TRIQK: variants seen among roughly 807,000 people sequenced by gnomAD.
The protein encoded by TRIQK is triple QxxK/R motif containing.
A neutral mutation model predicts 10.8 loss-of-function variants in TRIQK; 10 were observed. The observed-to-expected ratio is 0.92, with a 90% CI of 0.57 to 1.57. The LOEUF (loss-of-function observed/expected upper bound fraction) is 1.57, where lower values mean the gene tolerates loss of function less well. Ranked by LOEUF, TRIQK falls within the 40% of genes most tolerant of loss-of-function variation. The pLI is 0.00. For missense variants in TRIQK, 107 were observed against 97.7 expected (o/e 1.09, Z -0.40); for synonymous variants, 33 against 33.7 (o/e 0.98, Z 0.07).
chr8:92,987,926 G>C (rs1283888128), intron 1 of TRIQK, among the ~76,000 whole-genome samples: 1 of 150,728 alleles, frequency 6.6e-6, no homozygotes, highest in Non-Finnish European at 1.5e-5. Context: ...TACAGATGCA[G>C]ATAGGGTACA....
chr8:92,974,486 T>C (rs1312100763), intron 1 of TRIQK: 2 of 152,244 alleles, frequency 1.3e-5, no homozygotes, highest in East Asian at 3.9e-4. Context: ...ATCTTGACTA[T>C]AAGTCCTGAA....
chr8:92,909,676 C>A (rs967554783), intron 3 of TRIQK, among the ~76,000 whole-genome samples: 19 of 151,644 alleles, frequency 1.3e-4, no homozygotes, highest in Non-Finnish European at 2.4e-4. Flanking sequence ...CCAAGTTGCT[C>A]ATAAAATACA....
At chr8:92,899,604 C>A (rs908414217) in intron 3 of TRIQK, among the ~76,000 whole-genome samples, 5 of 152,118 alleles carry the variant, frequency 3.3e-5, no homozygotes, top group African/African-American at 1.2e-4. Context: ...CATGGATGAA[C>A]AGTACTTCAT....
At chr8:92,979,983 A>G (rs1812970292) in intron 1 of TRIQK, among the ~76,000 whole-genome samples, 2 of 152,082 alleles carry the variant, frequency 1.3e-5, no homozygotes, top group African/African-American at 2.4e-5. Context: ...GACTTCTAGC[A>G]TAATGTTGAA....
At chr8:92,929,529 C>G (rs1314856915) in intron 2 of TRIQK, 1 of 152,066 alleles carries the variant, frequency 6.6e-6, no homozygotes, top group African/African-American at 2.4e-5. Flanking sequence ...GTTGTGGCAT[C>G]TGGACACATG....
At chr8:92,888,891 T>C (rs1816618399) in intron 4 of TRIQK, among the ~76,000 whole-genome samples, 1 of 151,608 alleles carries the variant, frequency 6.6e-6, no homozygotes, top group Non-Finnish European at 1.5e-5. Flanking sequence ...ATCTTTTCCT[T>C]CTAAATGCTA....
intron 1 of TRIQK, among the ~76,000 whole-genome samples, chr8:92,996,823 A>T (rs1023751073): frequency 6.6e-6 from 1 of 151,952 alleles, no homozygotes; most frequent in Non-Finnish European, 1.5e-5. Flanking sequence ...ACCATGGTTA[A>T]GACTATCGCA....
chr8:93,015,772 A>G (rs1219827412), intron 1 of TRIQK, among the ~76,000 whole-genome samples: 2 of 151,894 alleles, frequency 1.3e-5, no homozygotes, highest in Non-Finnish European at 2.9e-5. Context: ...TTTTTTTTCT[A>G]TTCAACTGAT....
chr8:92,949,941 T>C (rs940334873), intron 2 of TRIQK, among the ~76,000 whole-genome samples: 1 of 152,102 alleles, frequency 6.6e-6, no homozygotes, highest in South Asian at 2.1e-4. Flanking sequence ...ACATTCGTTT[T>C]TGAGCTCCAT....
At chr8:92,896,883 C>A (rs1191930647) in intron 3 of TRIQK, among the ~76,000 whole-genome samples, 1 of 151,406 alleles carries the variant, frequency 6.6e-6, no homozygotes, top group Non-Finnish European at 1.5e-5. Context: ...ATGGCATGAT[C>A]CTGGCTCACT....
intron 2 of TRIQK, among the ~76,000 whole-genome samples, chr8:92,947,507 G>A (rs970599124): frequency 1.4e-5 from 2 of 147,406 alleles, no homozygotes; most frequent in Non-Finnish European, 3.0e-5. Flanking sequence ...TCACTTGAAC[G>A]CAGGAGGCGG....
intron 1 of TRIQK, among the ~76,000 whole-genome samples, chr8:93,007,541 C>G (rs950519120): frequency 6.6e-6 from 1 of 152,122 alleles, no homozygotes; most frequent in Non-Finnish European, 1.5e-5. Flanking sequence ...GGATGAAATG[C>G]AGAAGTAGGC....
intron 1 of TRIQK, among the ~76,000 whole-genome samples, chr8:92,994,119 A>G (rs561166310): frequency 2.2e-4 from 33 of 152,336 alleles, no homozygotes; most frequent in African/African-American, 7.0e-4. Context: ...TGAAAGAGGT[A>G]TATTAAAATC....
At chr8:92,943,089 T>C (rs967633340) in intron 2 of TRIQK, among the ~76,000 whole-genome samples, 2 of 146,044 alleles carry the variant, frequency 1.4e-5, no homozygotes, top group Admixed American at 1.4e-4. Context: ...AAAAAAAAAA[T>C]GGGACACTTA....
Position 92,886,365 on chromosome 8 carries a change from T to G in TRIQK, c.*257A>C, listed in dbSNP as rs548897056. ...AAAAATTTAGGATCTGGTTCCCATT[T>G]CATCTAAATGTACCATGTATAGGGT... On this transcript the variant is annotated 3_prime_UTR_variant, in exon 5 of 5. Coordinates refer to ENST00000521988, the MANE Select transcript of TRIQK (RefSeq NM_001171797.2). 5.4e-4 allele frequency: 122 copies of G among 226,156 alleles called. 3 individuals are homozygous for G. The South Asian group carries it at 0.017, about 31-fold the overall frequency. The allele number at this position is 226,156 out of a possible 1,614,324, so 14.0% of individuals were successfully genotyped here.
intron 3 of TRIQK, 51 bp downstream of exon 3, chr8:92,916,878 G>T: frequency 8.0e-7 from 1 of 1,250,974 alleles, no homozygotes; most frequent in Non-Finnish European, 1.1e-6. Flanking sequence ...ATGCATAATT[G>T]TGTTTTTATC....
At chr8:92,943,163 A>T (rs1811356040) in intron 2 of TRIQK, among the ~76,000 whole-genome samples, 1 of 152,198 alleles carries the variant, frequency 6.6e-6, no homozygotes, top group Non-Finnish European at 1.5e-5. Context: ...AAAACTGATT[A>T]AAAAATTGAA....
chr8:92,991,271 A>G (rs1191387352), intron 1 of TRIQK, among the ~76,000 whole-genome samples: 2 of 152,146 alleles, frequency 1.3e-5, no homozygotes, highest in East Asian at 3.9e-4. Flanking sequence ...TTTTAGATAT[A>G]ACTCCCATCT....
chr8:92,998,501 G>A (rs1813175124), intron 1 of TRIQK, among the ~76,000 whole-genome samples: 1 of 151,924 alleles, frequency 6.6e-6, no homozygotes, highest in African/African-American at 2.4e-5. Context: ...TAAGTCAATA[G>A]TTTCAAATGT....
Sources: gnomAD v4.1 joint callset for allele counts (sites outside exome capture counted in the v4.1 genomes callset) on GRCh38, gnomAD v4.1.1 for gene constraint, MANE v1.5 for transcripts, NCBI Gene and HGNC (gene_info 2026-07-23, HGNC 2026-07-21) for gene names.